ALDH3B2: variants seen among roughly 807,000 people sequenced by gnomAD.
The protein encoded by ALDH3B2 is aldehyde dehydrogenase 3 family member B2, also known as aldehyde dehydrogenase family 3 member B2.
ALDH3B2 carries 45 observed loss-of-function variants against 36.7 expected under a neutral mutation model. That is an observed-to-expected ratio of 1.23 (90% CI 0.97 to 1.57). The LOEUF (loss-of-function observed/expected upper bound fraction) is 1.57. Among genes scored for constraint, ALDH3B2 ranks in the 40% most tolerant of loss-of-function variants. The probability of loss-of-function intolerance (pLI) is 0.00; values close to 1 mark genes in which losing one functional copy is unlikely to be tolerated. For missense variants in ALDH3B2, 464 were observed against 513.3 expected, an observed-to-expected ratio of 0.90 and a Z score of 0.93; for synonymous variants, 217 against 226.5, an observed-to-expected ratio of 0.96 and a Z score of 0.38.
At chr11:67,673,276 G>A (rs1856183737) in intron 1 of ALDH3B2, among the ~76,000 whole-genome samples, 1 of 152,144 alleles carries the variant, frequency 6.6e-6, no homozygotes, top group Non-Finnish European at 1.5e-5. Context: ...GGGACCTCTG[G>A]CTGCTCACCA....
At chr11:67,666,497 C>T in intron 4 of ALDH3B2, 77 bp downstream of exon 4, 5 of 1,606,906 alleles carry the variant, frequency 3.1e-6, no homozygotes, top group Non-Finnish European at 4.3e-6. Flanking sequence ...CAGGGTACCT[C>T]AGAGCAAGAT....
chr11:67,669,240 GTGTCTGTGTGTGTATGGA>G (rs927780733), intron 1 of ALDH3B2, among the ~76,000 whole-genome samples: 3 of 151,304 alleles, frequency 2.0e-5, no homozygotes, highest in East Asian at 2.0e-4. Context: ...CTGTGTGTGT[GTGTCTGTGTGTGTATGGA>G]TGTCTGTGTG....
Position 67,666,186 on chromosome 11 carries a change from CA to C in ALDH3B2, c.254del (p.Val85GlyfsTer12). On this transcript the variant is annotated frameshift_variant, in exon 6 of 10. Coordinates refer to ENST00000349015, the Ensembl canonical transcript of ALDH3B2. LOFTEE classifies it high-confidence loss of function. Reference sequence around the variant, plus strand: ...GCCCTGTCTCCTGGGGTCCGCCCAGCACCACGGCAAAGCAGCTCTGCAAGGT... The same window carrying C: ...GCCCTGTCTCCTGGGGTCCGCCCAGCCCACGGCAAAGCAGCTCTGCAAGGT... The C allele has an allele frequency of 6.2e-7, 1 of 1,614,206 alleles. No individual in the cohort carries two copies.
chr11:67,663,221 G>A (rs1855793604), exon 10 of ALDH3B2: 1 of 1,607,274 alleles, frequency 6.2e-7, no homozygotes, highest in Admixed American at 1.7e-5. Flanking sequence ...ACGCTCACAG[G>A]AGGGTGCAGC....
At chr11:67,663,756 C>G in exon 9 of ALDH3B2, 1 of 1,610,646 alleles carries the variant, frequency 6.2e-7, no homozygotes, top group Non-Finnish European at 8.5e-7. Flanking sequence ...GCATCTGGTT[C>G]ACAACCTGCC....
exon 10 of ALDH3B2, chr11:67,662,993 G>T: frequency 1.7e-6 from 1 of 588,594 alleles, no homozygotes; most frequent in Non-Finnish European, 2.9e-6. Flanking sequence ...AGGACACCTG[G>T]CATGTTCTGC....
chr11:67,670,041 TATGGGTGTCTCTATGTGTATGG>T (rs1856053196), intron 1 of ALDH3B2, among the ~76,000 whole-genome samples: 1 of 17,622 alleles, frequency 5.7e-5, no homozygotes, highest in East Asian at 5.6e-3. Flanking sequence ...TCTGTGTGTG[TATGGGTGTCTCTATGTGTATGG>T]GTGTGTGTGT....
At chr11:67,668,472 G>C (rs1203075157) in intron 1 of ALDH3B2, among the ~76,000 whole-genome samples, 1 of 152,172 alleles carries the variant, frequency 6.6e-6, no homozygotes, top group Non-Finnish European at 1.5e-5. Flanking sequence ...ACCTAGCAAC[G>C]GGATTCTGAG....
chr11:67,671,837 G>A (rs1036224900), intron 1 of ALDH3B2, among the ~76,000 whole-genome samples: 7 of 147,732 alleles, frequency 4.7e-5, no homozygotes, highest in South Asian at 2.2e-4. Flanking sequence ...GCCACCGTGC[G>A]GGCCCCTGCC....
intron 8 of ALDH3B2, 98 bp from the exon 9 acceptor site, chr11:67,663,859 G>C: frequency 1.0e-6 from 1 of 956,830 alleles, no homozygotes; most frequent in Non-Finnish European, 1.5e-6. Flanking sequence ...ATCCTCACCT[G>C]CCCCTCCACC....
chr11:67,669,718 G>C (rs369871610), intron 1 of ALDH3B2, among the ~76,000 whole-genome samples: 26 of 142,160 alleles, frequency 1.8e-4, no homozygotes, highest in African/African-American at 6.6e-4. Context: ...GTCTGTGTGC[G>C]TATGGGTGTC....
intron 1 of ALDH3B2, among the ~76,000 whole-genome samples, chr11:67,669,365 T>A (rs1814913208): frequency 6.6e-6 from 1 of 151,664 alleles, no homozygotes; most frequent in Admixed American, 6.6e-5. Flanking sequence ...TGTCTGTGTG[T>A]CTGTGTGTGT....
upstream of ALDH3B2, among the ~76,000 whole-genome samples, chr11:67,678,203 C>T (rs964220862): frequency 6.6e-6 from 1 of 152,134 alleles, no homozygotes; most frequent in Non-Finnish European, 1.5e-5. Flanking sequence ...ATCATACTAC[C>T]TACCTGATTT....
At chr11:67,679,876 T>G (rs1487774423) in intron 1 of ALDH3B2, among the ~76,000 whole-genome samples, 2 of 152,192 alleles carry the variant, frequency 1.3e-5, no homozygotes, top group African/African-American at 4.8e-5. Flanking sequence ...TTACTATAAT[T>G]TCTCTCTGGT....
At chr11:67,678,722 TACACGCTATGGC>T (rs1856315846), upstream of ALDH3B2, among the ~76,000 whole-genome samples, 1 of 150,120 alleles carries the variant, frequency 6.7e-6, no homozygotes, top group African/African-American at 2.5e-5. Flanking sequence ...TATATATATA[TACACGCTATGGC>T]ATATATATAC....
exon 9 of ALDH3B2, chr11:67,663,679 A>G (rs1475527506): frequency 6.2e-6 from 10 of 1,611,406 alleles, no homozygotes; most frequent in Non-Finnish European, 8.5e-6. Flanking sequence ...CCCGAATGGC[A>G]CGGACAGCAG....
At chr11:67,670,626 G>A (rs1159727418) in intron 1 of ALDH3B2, among the ~76,000 whole-genome samples, 3 of 152,162 alleles carry the variant, frequency 2.0e-5, no homozygotes, top group Admixed American at 6.5e-5. Flanking sequence ...GCAGAAGTCC[G>A]TGTCTTGTGA....
At chr11:67,677,133 G>A (rs1856287255), upstream of ALDH3B2, among the ~76,000 whole-genome samples, 1 of 152,024 alleles carries the variant, frequency 6.6e-6, no homozygotes, top group Admixed American at 6.6e-5. Flanking sequence ...TACCAAAACC[G>A]GGAAAGGACA....
upstream of ALDH3B2, among the ~76,000 whole-genome samples, chr11:67,677,822 GAATCA>G (rs1399291536): frequency 6.6e-6 from 1 of 151,956 alleles, no homozygotes; most frequent in African/African-American, 2.4e-5. Flanking sequence ...ACCAAGCAGA[GAATCA>G]AATCAAGAAT....
Sources: gnomAD v4.1 joint callset for allele counts (sites outside exome capture counted in the v4.1 genomes callset) on GRCh38, gnomAD v4.1.1 for gene constraint, MANE v1.5 for transcripts, NCBI Gene and HGNC (gene_info 2026-07-23, HGNC 2026-07-21) for gene names.